The following TBC1D16 variants were observed in gnomAD, a reference collection of about 807,000 sequenced individuals.
The protein encoded by TBC1D16 is CTD-2529O21.1.
TBC1D16 carries 58 observed loss-of-function variants against 74.7 expected under a neutral mutation model. That is an observed-to-expected ratio of 0.78 (90% CI 0.63 to 0.97). TBC1D16 has a LOEUF of 0.97. TBC1D16 is among the 50% of genes least tolerant of loss of function. TBC1D16 has a pLI of 0.00. For synonymous variants in TBC1D16, 493 were observed against 474.7 expected, an observed-to-expected ratio of 1.04 and a Z score of -0.50; for missense variants, 1,014 against 1,079.5, an observed-to-expected ratio of 0.94 and a Z score of 0.85.
chr17:79,981,931 A>G lies in TBC1D16; in HGVS notation c.779+28229T>C, dbSNP rs2034600852. On this transcript the variant is annotated intron_variant, in intron 3 of 11. Coordinates refer to ENST00000310924, the MANE Select transcript of TBC1D16 (RefSeq NM_019020.4). This position sits in a 1 kb window ranked among gnomAD's most constrained non-coding sequence, Gnocchi z 6.9. ...TGCGCACACACACACGCACACACAC[A>G]CACATGCACATGTATTAAAGCAAAA... 1.3e-5 allele frequency among the ~76,000 whole-genome samples: 2 copies of G among 152,162 alleles called. No homozygotes were observed.
intron 1 of TBC1D16, among the ~76,000 whole-genome samples, chr17:80,030,380 T>C (rs1469815566): frequency 1.3e-5 from 2 of 152,116 alleles, no homozygotes; most frequent in African/African-American, 4.8e-5. Flanking sequence ...CCGACGTCCC[T>C]GTGAGGGCAG....
intron 3 of TBC1D16, among the ~76,000 whole-genome samples, chr17:79,978,761 ACT>A (rs2034448472): frequency 6.6e-6 from 1 of 152,106 alleles, no homozygotes; most frequent in African/African-American, 2.4e-5. Flanking sequence ...AGGGCTGGAG[ACT>A]CTGATGGCAG....
rs906804318 is a variant in TBC1D16 at position 80,009,174 on chromosome 17, C to T, written c.779+986G>A. On this transcript the variant is annotated intron_variant, in intron 3 of 11. Transcript: ENST00000310924. The surrounding 1 kb of genome is among the most constrained non-coding windows in gnomAD (Gnocchi z 5.4). Reference sequence around the variant, plus strand: ...CCAGACCACCCACGTCCAGCATGCGCCCGGCTCACACCACGAGCTCAACAG... The same window carrying T: ...CCAGACCACCCACGTCCAGCATGCGTCCGGCTCACACCACGAGCTCAACAG... Among the ~76,000 whole-genome samples, 1 of 152,262 alleles carries T rather than the reference C, an allele frequency of 6.6e-6. No homozygotes were observed. Among genetic ancestry groups the T allele is most frequent in the African/African-American group, 2.4e-5 (1 of 41,470 alleles).
chr17:80,003,176 T>C (rs2035554691), intron 3 of TBC1D16, among the ~76,000 whole-genome samples: 1 of 152,214 alleles, frequency 6.6e-6, no homozygotes, highest in African/African-American at 2.4e-5. Context: ...ACATTGCTCC[T>C]GGCCCTTGCC....
chr17:79,987,091 C>T lies in TBC1D16; in HGVS notation c.779+23069G>A, dbSNP rs949855271. Among the ~76,000 whole-genome samples the T allele has an allele frequency of 1.3e-5, 2 of 152,170 alleles. No homozygotes were observed. Among genetic ancestry groups the T allele is most frequent in the Admixed American group, 6.5e-5 (1 of 15,282 alleles). ...ATGGGTCACGGGCTGTGCCCAGTGT[C>T]GCTGCCCAAGGCAGAACTGGCTGCC... On this transcript the variant is annotated intron_variant, in intron 3 of 11. Transcript: ENST00000310924. This position sits in a 1 kb window ranked among gnomAD's most constrained non-coding sequence, Gnocchi z 5.2.
chr17:80,034,049 C>G (rs1043671446), intron 1 of TBC1D16, among the ~76,000 whole-genome samples: 13 of 152,140 alleles, frequency 8.5e-5, no homozygotes, highest in African/African-American at 3.1e-4. Context: ...CGTCAGTGTT[C>G]CCATCTGTAA....
chr17:79,944,054 G>C lies in TBC1D16; in HGVS notation c.1908+854C>G. ...GCCGATGACCGCATGCAAAGGCGGC[G>C]TGTGGTACCGGCACTCGGTGGCTTC... On this transcript the variant is annotated intron_variant, in intron 10 of 11. Transcript: ENST00000310924. This position sits in a 1 kb window ranked among gnomAD's most constrained non-coding sequence, Gnocchi z 7.7. 6.5e-7 allele frequency: 1 copy of C among 1,535,986 alleles called. No individual in the cohort carries two copies. Among genetic ancestry groups the C allele is most frequent in the Non-Finnish European group, 8.7e-7 (1 of 1,146,850 alleles).
At chr17:79,973,793 T>C (rs1002031932) in intron 3 of TBC1D16, among the ~76,000 whole-genome samples, 7 of 151,680 alleles carry the variant, frequency 4.6e-5, no homozygotes, top group African/African-American at 1.7e-4. Context: ...CTTGGGAGGC[T>C]ACAGTGAGCC....
intron 3 of TBC1D16, among the ~76,000 whole-genome samples, chr17:79,955,215 A>G (rs1178028291): frequency 6.6e-6 from 1 of 152,152 alleles, no homozygotes; most frequent in Non-Finnish European, 1.5e-5. Flanking sequence ...AGCTCAAACT[A>G]GAGCGAAGGT....
rs187110753 is a variant in TBC1D16, at chr17:79,980,854, C to T, written c.780-28036G>A. On this transcript the variant is annotated intron_variant, in intron 3 of 11. Transcript: ENST00000310924. The surrounding 1 kb of genome is among the most constrained non-coding windows in gnomAD (Gnocchi z 7.0). ...GCCCTGGTCCCCGTTACTGTTCCTG[C>T]AGGCTGGAAGGGGAGCCTGTGAGTT... Among the ~76,000 whole-genome samples the T allele has an allele frequency of 2.8e-3, 428 of 152,296 alleles. 3 individuals carry two copies. The highest frequency in any genetic ancestry group is 7.1e-3 in the African/African-American group (294 of 41,568).
At position 79,986,564 on chromosome 17, in the gene TBC1D16, C is replaced by T. The variant is rs993187925; in HGVS notation, c.779+23596G>A. ...GGCCAAAGAGAGACCACACGTGCCG[C>T]CCCCTGCCGAAGCCTGGCCTTTGAA... On this transcript the variant is annotated intron_variant, in intron 3 of 11. Transcript: ENST00000310924. This position sits in a 1 kb window ranked among gnomAD's most constrained non-coding sequence, Gnocchi z 6.0. Among the ~76,000 whole-genome samples the T allele has an allele frequency of 6.6e-6, 1 of 152,194 alleles. No homozygotes were observed. The highest frequency in any genetic ancestry group is 1.9e-4 in the East Asian group (1 of 5,194).
In TBC1D16 at chr17:79,944,104, C is replaced by A; in HGVS notation, c.1908+804G>T. ...CAGACTCGCTTTCATCAGACATCAGCCCCCTGCGGTGTGAGTGAGGACAGG... is the reference window on the plus strand; with the variant it reads ...CAGACTCGCTTTCATCAGACATCAGACCCCTGCGGTGTGAGTGAGGACAGG... On this transcript the variant is annotated intron_variant, in intron 10 of 11. Coordinates refer to ENST00000310924, the MANE Select transcript of TBC1D16 (RefSeq NM_019020.4). The surrounding 1 kb of genome is among the most constrained non-coding windows in gnomAD (Gnocchi z 7.7). The A allele has an allele frequency of 6.5e-7, 1 of 1,535,992 alleles. No homozygotes were observed. The highest frequency in any genetic ancestry group is 8.7e-7 in the Non-Finnish European group (1 of 1,146,860).
At chr17:80,031,752 C>T (rs1244393570) in intron 1 of TBC1D16, among the ~76,000 whole-genome samples, 1 of 152,170 alleles carries the variant, frequency 6.6e-6, no homozygotes, top group East Asian at 1.9e-4. Flanking sequence ...GGATCTGGGA[C>T]TAAGGAAAGA....
At chr17:79,996,712 T>C (rs1052078693) in intron 3 of TBC1D16, among the ~76,000 whole-genome samples, 1 of 152,124 alleles carries the variant, frequency 6.6e-6, no homozygotes, top group African/African-American at 2.4e-5. Flanking sequence ...AAAAACCCTG[T>C]CTCTATTTTT....
chr17:79,942,094 G>T lies in TBC1D16; in HGVS notation c.2021C>A (p.Ala674Asp). The T allele has an allele frequency of 1.9e-6, 3 of 1,612,464 alleles. No homozygotes were observed. Among genetic ancestry groups the T allele is most frequent in the Non-Finnish European group, 2.5e-6 (3 of 1,179,770 alleles). ...AACGAGCTCCCCGTTCATGTGCATGGCCAGGTTTCCGAAGTGCAGGAGCAT... is the reference window on the plus strand; with the variant it reads ...AACGAGCTCCCCGTTCATGTGCATGTCCAGGTTTCCGAAGTGCAGGAGCAT... ...DQMLLHFGNL[A>D]MHMNGELVLR... Residue 674 changes from alanine (A) to aspartate (D), a missense_variant, in exon 11 of 12, where the codon GCC (alanine) becomes GAC (aspartate). Physicochemically the swap from Ala to Asp is moderately radical, Grantham distance 126. Transcript: ENST00000310924.
At chr17:79,951,654 T>G (rs1428793509) in intron 4 of TBC1D16, 57 bp from the exon 5 acceptor site, 5 of 1,578,220 alleles carry the variant, frequency 3.2e-6, no homozygotes, top group Non-Finnish European at 3.4e-6. Flanking sequence ...AACACGGGGG[T>G]TTTATTTCCA....
rs544190432 is a variant in TBC1D16, at chr17:79,950,878, C to A, written c.1090-300G>T. 9 of 1,505,576 alleles carry A rather than the reference C, an allele frequency of 6.0e-6. 1 individual carries two copies. In the South Asian group the frequency reaches 6.3e-5, roughly 10 times the overall value. 93.3% of individuals were successfully genotyped at this position (1,505,576 alleles called of 1,614,324 possible). On this transcript the variant is annotated intron_variant, in intron 5 of 11. Coordinates refer to ENST00000310924, the MANE Select transcript of TBC1D16 (RefSeq NM_019020.4). The surrounding 1 kb of genome is among the most constrained non-coding windows in gnomAD (Gnocchi z 4.6). Reference sequence around the variant, plus strand: ...TGAATGCCTCGTTCGGCCTAACTTCCCTCTGCCGGGAGGGCCTGCAATGAA... The same window carrying A: ...TGAATGCCTCGTTCGGCCTAACTTCACTCTGCCGGGAGGGCCTGCAATGAA...
Position 79,975,713 on chromosome 17 carries a change from G to T in TBC1D16, c.780-22895C>A, listed in dbSNP as rs765676177. Among the ~76,000 whole-genome samples, 3 of 152,196 alleles carry T rather than the reference G, an allele frequency of 2.0e-5. No individual in the cohort carries two copies. The highest frequency in any genetic ancestry group is 4.4e-5 in the Non-Finnish European group (3 of 68,032). On this transcript the variant is annotated intron_variant, in intron 3 of 11. Coordinates refer to ENST00000310924, the MANE Select transcript of TBC1D16 (RefSeq NM_019020.4). The surrounding 1 kb of genome is among the most constrained non-coding windows in gnomAD (Gnocchi z 4.5). ...ACTGTGCACAGCTTCGGGACCCCCA[G>T]CCAGCCCAAACCTGTCGCTGGCTGC...
intron 3 of TBC1D16, among the ~76,000 whole-genome samples, chr17:79,970,310 G>C (rs1362209405): frequency 6.6e-6 from 1 of 152,044 alleles, no homozygotes; most frequent in East Asian, 1.9e-4. Flanking sequence ...GCTAGAGTAT[G>C]AGGTTTCTTT....
Sources: allele counts gnomAD v4.1 joint callset (sites outside exome capture counted in the v4.1 genomes callset), GRCh38; gene constraint gnomAD v4.1.1; non-coding constraint Gnocchi (gnomAD v3.1); transcripts MANE v1.5; gene names NCBI Gene and HGNC (gene_info 2026-07-23, HGNC 2026-07-21).